The following ANO3 variants were observed in gnomAD, a reference collection of about 807,000 sequenced individuals.
The protein encoded by ANO3 is anoctamin 3, also known as anoctamin-3.
Under a neutral mutation model 144.8 loss-of-function variants are expected in ANO3, and 99 were observed. That is an observed-to-expected ratio of 0.68 (90% CI 0.58 to 0.81). The LOEUF is 0.81. ANO3 is among the 30% of genes least tolerant of loss of function. The pLI, the probability that ANO3 is intolerant of heterozygous loss-of-function variation, is 0.00. For missense variants in ANO3, 905 were observed against 1,202.2 expected, an observed-to-expected ratio of 0.75 and a Z score of 3.66; for synonymous variants, 414 against 392.6, an observed-to-expected ratio of 1.05 and a Z score of -0.64.
At chr11:26,459,999 T>A in intron 3 of ANO3, 1 of 374,558 alleles carries the variant, frequency 2.7e-6, no homozygotes, top group Admixed American at 3.5e-5. Context: ...TTAAAACATG[T>A]TGATGGATGC....
At chr11:26,454,688 A>C (rs1590374513) in intron 3 of ANO3, among the ~76,000 whole-genome samples, 2 of 151,962 alleles carry the variant, frequency 1.3e-5, no homozygotes. Context: ...AACTATTCCA[A>C]TCGATAGAAA....
chr11:26,353,777 C>G (rs1378374388), intron 1 of ANO3, among the ~76,000 whole-genome samples: 1 of 152,066 alleles, frequency 6.6e-6, no homozygotes, highest in Non-Finnish European at 1.5e-5. Flanking sequence ...ATCATGTTGG[C>G]CAGGATGATC....
chr11:26,263,683 A>C (rs1172486886), intron 1 of ANO3, among the ~76,000 whole-genome samples: 1 of 152,212 alleles, frequency 6.6e-6, no homozygotes, highest in African/African-American at 2.4e-5. Flanking sequence ...GAAGTAGCTA[A>C]ATTTTTTCTT....
chr11:26,355,882 G>A (rs749272337), intron 1 of ANO3, among the ~76,000 whole-genome samples: 1 of 152,152 alleles, frequency 6.6e-6, no homozygotes, highest in Non-Finnish European at 1.5e-5. Flanking sequence ...TCATAATGCT[G>A]ATTCTTGGCA....
rs149791448 is a variant in ANO3, at chr11:26,279,852, A to G, written c.155-29793A>G. 2.2e-4 allele frequency among the ~76,000 whole-genome samples: 34 copies of G among 152,332 alleles called. 1 individual carries two copies. In the East Asian group the frequency reaches 6.4e-3, roughly 29 times the overall value. On this transcript the variant is annotated intron_variant, in intron 1 of 27. Transcript: ENST00000672621. ...TTACTACAGACCTAAACAGAATAGG[A>G]TGGGAGTAGAATAAGTCAAAATACC...
chr11:26,402,313 C>G (rs1857166978), intron 1 of ANO3, among the ~76,000 whole-genome samples: 1 of 151,878 alleles, frequency 6.6e-6, no homozygotes, highest in South Asian at 2.1e-4. Context: ...TATTTTTTGA[C>G]TTTTTAATAA....
intron 1 of ANO3, among the ~76,000 whole-genome samples, chr11:26,319,064 G>A (rs1166075647): frequency 6.6e-6 from 1 of 151,918 alleles, no homozygotes; most frequent in African/African-American, 2.4e-5. Flanking sequence ...GTAGCCTCAA[G>A]CTCCCAGGCT....
intron 8 of ANO3, among the ~76,000 whole-genome samples, chr11:26,531,639 G>A (rs1849373635): frequency 6.6e-6 from 1 of 151,852 alleles, no homozygotes; most frequent in Admixed American, 6.6e-5. Context: ...TAACAATAAT[G>A]TTAATAATAA....
At chr11:26,405,429 G>A (rs66502272) in intron 1 of ANO3, among the ~76,000 whole-genome samples, 1 of 151,600 alleles carries the variant, frequency 6.6e-6, no homozygotes, top group African/African-American at 2.4e-5. Flanking sequence ...TTCTTTATTA[G>A]ATGTTGTTAC....
At position 26,367,257 on chromosome 11, in the gene ANO3, G is replaced by T. The variant is rs983787902; in HGVS notation, c.46+34936G>T. ...CTGCAAATTTTCCAAACTTTTATGG[G>T]CTCTTCTTCCACCAGATGCCCTAGG... On this transcript the variant is annotated intron_variant, in intron 1 of 26. Coordinates refer to ENST00000256737, the MANE Select transcript of ANO3 (RefSeq NM_031418.4). Among the ~76,000 whole-genome samples the T allele has an allele frequency of 7.9e-5, 12 of 152,036 alleles. No individual in the cohort carries two copies. The East Asian group carries it at 2.1e-3, about 27-fold the overall frequency.
At chr11:26,643,146 T>A (rs1336754523) in intron 22 of ANO3, 36 bp from the exon 23 acceptor site, 1 of 1,603,632 alleles carries the variant, frequency 6.2e-7, no homozygotes, top group East Asian at 2.2e-5. Flanking sequence ...ACAAAGGAAG[T>A]TTATATAGTA....
At chr11:26,272,490 T>C (rs908285351) in intron 1 of ANO3, among the ~76,000 whole-genome samples, 14 of 152,160 alleles carry the variant, frequency 9.2e-5, no homozygotes, top group African/African-American at 3.4e-4. Context: ...AAGAAAGACA[T>C]ACCTATAGAC....
At chr11:26,359,316 C>G (rs1032938064) in intron 1 of ANO3, among the ~76,000 whole-genome samples, 1 of 152,066 alleles carries the variant, frequency 6.6e-6, no homozygotes, top group East Asian at 1.9e-4. Flanking sequence ...GGAGACAAGG[C>G]TTTTTTGGGG....
At chr11:26,224,964 T>C (rs1261811285) in intron 1 of ANO3, among the ~76,000 whole-genome samples, 1 of 152,180 alleles carries the variant, frequency 6.6e-6, no homozygotes, top group East Asian at 1.9e-4. Context: ...TGCTTGTTTA[T>C]TGCATTATTA....
At chr11:26,652,094 G>T (rs1001220167) in intron 24 of ANO3, among the ~76,000 whole-genome samples, 5 of 152,044 alleles carry the variant, frequency 3.3e-5, no homozygotes, top group African/African-American at 1.2e-4. Context: ...GAATCACATC[G>T]TTGGTTCTCC....
At chr11:26,454,317 G>C (rs1463616991) in intron 3 of ANO3, among the ~76,000 whole-genome samples, 1 of 152,032 alleles carries the variant, frequency 6.6e-6, no homozygotes. Flanking sequence ...CAACAAAATT[G>C]ATAGACCACT....
intron 6 of ANO3, among the ~76,000 whole-genome samples, chr11:26,517,460 A>G (rs1055985644): frequency 6.6e-6 from 1 of 152,058 alleles, no homozygotes; most frequent in African/African-American, 2.4e-5. Flanking sequence ...TAAAGATTAA[A>G]TAGACATCCG....
intron 1 of ANO3, among the ~76,000 whole-genome samples, chr11:26,207,182 G>A (rs1851812950): frequency 6.6e-6 from 1 of 152,068 alleles, no homozygotes; most frequent in Non-Finnish European, 1.5e-5. Context: ...TTTGCTAATA[G>A]GGTATATCTT....
intron 1 of ANO3, among the ~76,000 whole-genome samples, chr11:26,326,753 T>C (rs544860666): frequency 3.3e-5 from 5 of 152,280 alleles, no homozygotes; most frequent in African/African-American, 1.2e-4. Context: ...CCTAGACCAG[T>C]CAGGCAGAGG....
Sources: allele counts gnomAD v4.1 joint callset (sites outside exome capture counted in the v4.1 genomes callset), GRCh38; gene constraint gnomAD v4.1.1; transcripts MANE v1.5; gene names NCBI Gene and HGNC (gene_info 2026-07-23, HGNC 2026-07-21).